The following GCLM variants were observed in gnomAD, a reference collection of about 807,000 sequenced individuals.
The protein encoded by GCLM is glutamate-cysteine ligase modifier subunit.
Under a neutral mutation model 36.0 loss-of-function variants are expected in GCLM, and 15 were observed. The ratio of observed to expected loss-of-function variants is 0.42; its 90% CI spans 0.28 to 0.64. GCLM has a LOEUF of 0.64. Among genes scored for constraint, GCLM ranks in the 30% least tolerant of loss-of-function variants. The pLI is 0.25. For missense variants in GCLM, 242 were observed against 325.5 expected, an observed-to-expected ratio of 0.74 and a Z score of 1.97; for synonymous variants, 129 against 122.8, an observed-to-expected ratio of 1.05 and a Z score of -0.34.
Position 93,889,070 on chromosome 1 carries a change from G to A in GCLM, c.745C>T (p.Arg249Trp), listed in dbSNP as rs758203340. 1.1e-5 allele frequency: 18 copies of A among 1,600,986 alleles called. No individual in the cohort carries two copies. The highest frequency in any genetic ancestry group is 1.4e-5 in the Non-Finnish European group (16 of 1,173,592). The change falls in exon 7 of 7, where the codon CGG (arginine) becomes TGG (tryptophan). Residue 249 changes from arginine to tryptophan, a missense_variant. Coordinates refer to ENST00000370238, the MANE Select transcript of GCLM (RefSeq NM_002061.4). ...AHEWVPLWLLRYSVIVKSRGI... is the reference protein window; with the variant it reads ...AHEWVPLWLLWYSVIVKSRGI... ...CTACTTTTCACAATGACCGAATACC[G>A]CAGTAGCCACAGCGGCACCCACTCG...
rs1419931939 is a variant in GCLM, at chr1:93,888,996, A to T, written c.819T>A (p.Gly273=). ...KGYILQAKRR[G]S The stretch of plus-strand genomic sequence containing the variant: ...AGTTATGCTCCTAAGTCAGTTAAGA[A>T]CCCCTTCTTTTAGCTTGTAAAATGT... Residue 273 remains glycine (G), a synonymous_variant, in exon 7 of 7, where the codon GGT becomes GGA. Transcript: ENST00000370238. 6.3e-7 allele frequency: 1 copy of T among 1,585,676 alleles called. No homozygotes were observed. The highest frequency in any genetic ancestry group is 8.6e-7 in the Non-Finnish European group (1 of 1,168,070).
chr1:93,889,822 C>G (rs1464163622), intron 6 of GCLM, among the ~76,000 whole-genome samples: 1 of 151,156 alleles, frequency 6.6e-6, no homozygotes, highest in Non-Finnish European at 1.5e-5. Context: ...CATATATTTC[C>G]TTATTATTGG....
At chr1:93,907,045 C>T (rs1041468468) in intron 1 of GCLM, among the ~76,000 whole-genome samples, 3 of 152,166 alleles carry the variant, frequency 2.0e-5, no homozygotes, top group Admixed American at 6.5e-5. Context: ...TGACCCAACA[C>T]GTACATTTTC....
chr1:93,904,656 G>A (rs1657077824), intron 1 of GCLM, 68 bp from the exon 2 acceptor site: 3 of 951,216 alleles, frequency 3.2e-6, no homozygotes, highest in Non-Finnish European at 5.1e-6. Flanking sequence ...TCTACAATAA[G>A]AATATATTAA....
At chr1:93,901,913 G>A in intron 2 of GCLM, among the ~76,000 whole-genome samples, 1 of 151,208 alleles carries the variant, frequency 6.6e-6, no homozygotes, top group South Asian at 2.1e-4. Context: ...ATTTTGACCA[G>A]GTATTTAGAA....
chr1:93,897,648 A>G (rs1178139595), intron 4 of GCLM, among the ~76,000 whole-genome samples, 191 bp downstream of exon 4: 1 of 152,144 alleles, frequency 6.6e-6, no homozygotes, highest in Admixed American at 6.6e-5. Flanking sequence ...TTCCTCTTGC[A>G]TATCAAAATA....
chr1:93,900,792 TAAC>T (rs1439035188), intron 3 of GCLM, among the ~76,000 whole-genome samples: 1 of 152,168 alleles, frequency 6.6e-6, no homozygotes, highest in South Asian at 2.1e-4. Flanking sequence ...ACCACAATAA[TAAC>T]AACATGGTAG....
intron 1 of GCLM, among the ~76,000 whole-genome samples, chr1:93,906,854 T>C (rs1024707004): frequency 4.6e-5 from 7 of 152,146 alleles, no homozygotes; most frequent in Non-Finnish European, 8.8e-5. Flanking sequence ...TTAAATACCA[T>C]GATTCAACCG....
intron 3 of GCLM, among the ~76,000 whole-genome samples, chr1:93,898,328 A>AAAAAAAAAC (rs1656813468): frequency 6.8e-6 from 1 of 146,892 alleles, no homozygotes; most frequent in Non-Finnish European, 1.5e-5. Flanking sequence ...AAAAAAAAAA[A>AAAAAAAAAC]AGGCCACAAT....
intron 5 of GCLM, among the ~76,000 whole-genome samples, chr1:93,896,106 G>A (rs1656723215): frequency 6.6e-6 from 1 of 150,534 alleles, no homozygotes; most frequent in South Asian, 2.1e-4. Context: ...GGGATTACAG[G>A]TGCACGCCAC....
At chr1:93,889,567 GTATATATCTTCATATATATA>G (rs1472526887) in intron 6 of GCLM, among the ~76,000 whole-genome samples, 2 of 151,144 alleles carry the variant, frequency 1.3e-5, no homozygotes, top group Non-Finnish European at 2.9e-5. Context: ...GTGTATATGA[GTATATATCTTCATATATATA>G]TATATATCTT....
intron 6 of GCLM, among the ~76,000 whole-genome samples, chr1:93,894,157 C>T (rs1557727493): frequency 2.0e-5 from 3 of 151,974 alleles, no homozygotes; most frequent in Admixed American, 1.3e-4. Context: ...ACTCGGAAGG[C>T]TGAGGCAGGA....
At position 93,885,243 on chromosome 1, in the gene GCLM, GTT is replaced by G. The variant is rs1444082606; in HGVS notation, c.*3745_*3746del. 2 of 152,112 alleles carry G rather than the reference GTT, an allele frequency of 1.3e-5. No individual in the cohort carries two copies. The highest frequency in any genetic ancestry group is 4.8e-5 in the African/African-American group (2 of 41,408). The allele number at this position is 152,112 out of a possible 1,614,324, so 9.4% of individuals were successfully genotyped here. A position where few individuals can be genotyped will look rare whatever the true frequency, so the allele number is the denominator to read the frequency against. On this transcript the variant is annotated 3_prime_UTR_variant, in exon 7 of 7. Coordinates refer to ENST00000370238, the MANE Select transcript of GCLM (RefSeq NM_002061.4). ...TTAATTTATTTTCAAATCATACTCA[GTT>G]TGAGTTCAAATAGTTCAAAAATCAA...
Position 93,909,188 on chromosome 1 carries a change from C to G in GCLM, c.-25G>C. On this transcript the variant is annotated 5_prime_UTR_variant, in exon 1 of 7. Coordinates refer to ENST00000370238, the MANE Select transcript of GCLM (RefSeq NM_002061.4). ...TGGCAGCGGCCGCCCAGGGGCCGCG[C>G]AGCGAAGGGGCTGCGGGCGGGCGGG... The G allele has an allele frequency of 8.2e-7, 1 of 1,219,526 alleles. No individual in the cohort carries two copies. Among genetic ancestry groups the G allele is most frequent in the South Asian group, 3.3e-5 (1 of 30,502 alleles). The allele number at this position is 1,219,526 out of a possible 1,614,324, so 75.5% of individuals were successfully genotyped here.
intron 5 of GCLM, among the ~76,000 whole-genome samples, chr1:93,895,443 T>C (rs1656691640): frequency 6.6e-6 from 1 of 152,250 alleles, no homozygotes. Flanking sequence ...CAAATAGTTC[T>C]TAAAGGTAAA....
Position 93,898,285 on chromosome 1 carries a change from T to C in GCLM, c.278-387A>G, listed in dbSNP as rs189307001. Among the ~76,000 whole-genome samples, 355 of 54,152 alleles carry C rather than the reference T, an allele frequency of 6.6e-3. 1 individual carries two copies. Among genetic ancestry groups the C allele is most frequent in the African/African-American group, 0.029 (340 of 11,694 alleles). The allele number at this position is 54,152 out of a possible 152,430, so 35.5% of individuals were successfully genotyped here. A position where few individuals can be genotyped will look rare whatever the true frequency, so the allele number is the denominator to read the frequency against. ...CTATATACAAAGACTAAATTGAAAATGTAATGAGAAGAAAACTGAAAAAAA... is the reference window on the plus strand; with the variant it reads ...CTATATACAAAGACTAAATTGAAAACGTAATGAGAAGAAAACTGAAAAAAA... On this transcript the variant is annotated intron_variant, in intron 3 of 6. Coordinates refer to ENST00000370238, the MANE Select transcript of GCLM (RefSeq NM_002061.4).
chr1:93,909,069 C>A lies in GCLM; in HGVS notation c.95G>T (p.Arg32Leu). 1 of 1,474,680 alleles carries A rather than the reference C, an allele frequency of 6.8e-7. No homozygotes were observed. The highest frequency in any genetic ancestry group is 2.4e-5 in the Admixed American group (1 of 42,230). The allele number at this position is 1,474,680 out of a possible 1,614,324, so 91.3% of individuals were successfully genotyped here. The change falls in exon 1 of 7, where the codon CGG (arginine) becomes CTG (leucine). Residue 32 changes from arginine (R) to leucine (L), a missense_variant. By Grantham distance (102) the Arg-to-Leu change is moderately radical (BLOSUM62 -2). Transcript: ENST00000370238. ...TGNLLNWGRL[R>L]KKCPSTHSEE... ...GCTGTGCGTGGACGGGCACTTCTTC[C>A]GCAGGCGGCCCCAGTTCAGCAGGTT...
In GCLM at chr1:93,905,782, C is replaced by G. The variant is rs1262086170; in HGVS notation, c.127-1194G>C. On this transcript the variant is annotated intron_variant, in intron 1 of 6. Coordinates refer to ENST00000370238, the MANE Select transcript of GCLM (RefSeq NM_002061.4). ...ACAGTCATAAAGCGGTATTTATGCTCACAACATGCCAGGCACTCTAATGGC... is the reference window on the plus strand; with the variant it reads ...ACAGTCATAAAGCGGTATTTATGCTGACAACATGCCAGGCACTCTAATGGC... 2.0e-5 allele frequency among the ~76,000 whole-genome samples: 3 copies of G among 152,146 alleles called. 1 individual carries two copies. Among genetic ancestry groups the G allele is most frequent in the African/African-American group, 7.2e-5 (3 of 41,434 alleles).
chr1:93,887,180 A>G lies in GCLM; in HGVS notation c.*1810T>C, dbSNP rs1406555830. The G allele has an allele frequency of 6.6e-6, 1 of 151,970 alleles. No homozygotes were observed. The highest frequency in any genetic ancestry group is 1.5e-5 in the Non-Finnish European group (1 of 68,026). The allele number at this position is 151,970 out of a possible 1,614,324, so 9.4% of individuals were successfully genotyped here. On this transcript the variant is annotated 3_prime_UTR_variant, in exon 7 of 7. Transcript: ENST00000370238. ...TGGCTAATTTTTGTATTTTTAGCAG[A>G]TACAGGGTTTCACCATGTTAGCCAG...
Sources: gnomAD v4.1 joint callset for allele counts (sites outside exome capture counted in the v4.1 genomes callset) on GRCh38, gnomAD v4.1.1 for gene constraint, MANE v1.5 for transcripts, NCBI Gene and HGNC (gene_info 2026-07-23, HGNC 2026-07-21) for gene names.